Variants in BMPR2 observed in about 807,000 individuals in gnomAD.
BMPR2 encodes bone morphogenetic protein receptor type-2.
In BMPR2, 29 loss-of-function variants were observed where a neutral mutation model predicts 100.8. That is an observed-to-expected ratio of 0.29 (90% CI 0.21 to 0.39). The LOEUF is 0.39. Ranked by LOEUF, BMPR2 falls within the 10% of genes least tolerant of loss-of-function variation. The probability of loss-of-function intolerance (pLI) is 1.00; values close to 1 mark genes in which losing one functional copy is unlikely to be tolerated. For synonymous variants in BMPR2, 382 were observed against 442.3 expected, an observed-to-expected ratio of 0.86 and a Z score of 1.71; for missense variants, 1,011 against 1,274.5, an observed-to-expected ratio of 0.79 and a Z score of 3.15.
chr2:202,556,210 A>T lies in BMPR2; in HGVS notation c.2545A>T (p.Asn849Tyr). 6.2e-7 allele frequency: 1 copy of T among 1,611,678 alleles called. No homozygotes were observed. The highest frequency in any genetic ancestry group is 8.5e-7 in the Non-Finnish European group (1 of 1,177,958). ...VTHRAQEMLQ[N>Y]QFIGEDTRLN... is the part of the protein sequence containing the mutation. ...ACATAGGGCCCAAGAAATGTTGCAGAATCAGTTTATTGGTGAGGACACCCG... is the reference window on the plus strand; with the variant it reads ...ACATAGGGCCCAAGAAATGTTGCAGTATCAGTTTATTGGTGAGGACACCCG... Residue 849 changes from asparagine to tyrosine, a missense_variant, in exon 12 of 13, where the codon AAT (asparagine) becomes TAT (tyrosine). By Grantham distance (143) the Asn-to-Tyr change is moderately radical (BLOSUM62 -2). Coordinates refer to ENST00000374580, the MANE Select transcript of BMPR2 (RefSeq NM_001204.7).
At chr2:202,381,205 C>G (rs977339918) in intron 1 of BMPR2, among the ~76,000 whole-genome samples, 1 of 151,888 alleles carries the variant, frequency 6.6e-6, no homozygotes, top group Admixed American at 6.6e-5. Context: ...AAACTCCTGA[C>G]CTCGTGATCT....
rs1246177589 is a variant in BMPR2 at position 202,566,724 on chromosome 2, A to G, written c.*6778A>G. On this transcript the variant is annotated 3_prime_UTR_variant, in exon 13 of 13. Transcript: ENST00000374580. ...AACTAAATATTTTATAACTTTAGTA[A>G]TAGCTTGGATGGTTTTGAGAAAATA... The G allele has an allele frequency of 6.6e-6, 1 of 152,192 alleles. No homozygotes were observed. Among genetic ancestry groups the G allele is most frequent in the Admixed American group, 6.5e-5 (1 of 15,278 alleles). 9.4% of individuals were successfully genotyped at this position (152,192 alleles called of 1,614,324 possible). A position where few individuals can be genotyped will look rare whatever the true frequency, so the allele number is the denominator to read the frequency against.
In BMPR2 at chr2:202,377,059, C is replaced by T; in HGVS notation, c.-416C>T. The T allele has an allele frequency of 1.9e-6, 1 of 525,630 alleles. No homozygotes were observed. Among genetic ancestry groups the T allele is most frequent in the Non-Finnish European group, 3.3e-6 (1 of 300,434 alleles). 32.6% of individuals were successfully genotyped at this position (525,630 alleles called of 1,614,324 possible). A position where few individuals can be genotyped will look rare whatever the true frequency, so the allele number is the denominator to read the frequency against. On this transcript the variant is annotated 5_prime_UTR_variant, in exon 1 of 13. Transcript: ENST00000374580. ...CCTTCCCGGCAGTCGGGAACTAGTT[C>T]TGACCCTCGCCCCCCGACCCCGGAT...
At chr2:202,397,895 C>A (rs1177331250) in intron 1 of BMPR2, among the ~76,000 whole-genome samples, 5 of 151,558 alleles carry the variant, frequency 3.3e-5, no homozygotes, top group African/African-American at 7.3e-5. Flanking sequence ...CTGAGGTGGG[C>A]GGATCACCTG....
intron 3 of BMPR2, among the ~76,000 whole-genome samples, chr2:202,482,955 G>A (rs569784980): frequency 2.6e-4 from 40 of 152,290 alleles, no homozygotes; most frequent in African/African-American, 7.2e-4. Flanking sequence ...AAAGTGCGGC[G>A]TGAACCACTA....
intron 1 of BMPR2, among the ~76,000 whole-genome samples, chr2:202,421,619 G>A (rs1691263575): frequency 6.7e-6 from 1 of 149,296 alleles, no homozygotes; most frequent in South Asian, 2.1e-4. Flanking sequence ...TCCAGCCTGG[G>A]CGACAGAGTG....
chr2:202,552,855 T>A lies in BMPR2; in HGVS notation c.1553T>A (p.Val518Asp). 1 of 1,614,160 alleles carries A rather than the reference T, an allele frequency of 6.2e-7. No homozygotes were observed. The highest frequency in any genetic ancestry group is 8.5e-7 in the Non-Finnish European group (1 of 1,180,032). The change falls in exon 11 of 13, where the codon GTC becomes GAC. Residue 518 changes from valine (V) to aspartate (D), a missense_variant. By Grantham distance (152) the Val-to-Asp change is radical. Coordinates refer to ENST00000374580, the MANE Select transcript of BMPR2 (RefSeq NM_001204.7). ...WERNKSVSPTVNPMSTAMQNE... is the reference protein window; with the variant it reads ...WERNKSVSPTDNPMSTAMQNE... ...AGAAACAAATCTGTGAGCCCAACAG[T>A]CAATCCAATGTCTACTGCTATGCAG...
chr2:202,534,882 G>A (rs1453552115), intron 9 of BMPR2, among the ~76,000 whole-genome samples: 1 of 139,514 alleles, frequency 7.2e-6, no homozygotes, highest in Non-Finnish European at 1.6e-5. Flanking sequence ...CCCGGACGGG[G>A]CGGCTGGCCG....
At chr2:202,381,675 G>A (rs1380245395) in intron 1 of BMPR2, among the ~76,000 whole-genome samples, 1 of 152,164 alleles carries the variant, frequency 6.6e-6, no homozygotes, top group African/African-American at 2.4e-5. Context: ...CAGTAAGATG[G>A]TCCAGAAGGG....
intron 7 of BMPR2, among the ~76,000 whole-genome samples, chr2:202,523,720 C>T (rs1174156774): frequency 6.6e-6 from 1 of 152,074 alleles, no homozygotes; most frequent in Non-Finnish European, 1.5e-5. Flanking sequence ...AGGAGAATCT[C>T]TTGAACGTGG....
chr2:202,553,301 G>A (rs912446196), intron 11 of BMPR2, among the ~76,000 whole-genome samples: 1 of 151,262 alleles, frequency 6.6e-6, no homozygotes, highest in African/African-American at 2.4e-5. Flanking sequence ...TCTAACCACT[G>A]TTTCACTGAC....
chr2:202,521,610 T>C (rs1687820440), intron 7 of BMPR2, among the ~76,000 whole-genome samples: 1 of 151,924 alleles, frequency 6.6e-6, no homozygotes, highest in African/African-American at 2.4e-5. Context: ...ATTGAAGAGT[T>C]TCCCTACCTT....
rs886055486 is a variant in BMPR2, at chr2:202,564,984, T to A, written c.*5038T>A. ...TCGTTTGCACCCGGGAGGCGGAGGT[T>A]GTTGCAGTGAGCCGAGATCGCGCCA... On this transcript the variant is annotated 3_prime_UTR_variant, in exon 13 of 13. Coordinates refer to ENST00000374580, the MANE Select transcript of BMPR2 (RefSeq NM_001204.7). 6.6e-6 allele frequency: 1 copy of A among 151,976 alleles called. No homozygotes were observed. The highest frequency in any genetic ancestry group is 1.5e-5 in the Non-Finnish European group (1 of 68,052). 9.4% of individuals were successfully genotyped at this position (151,976 alleles called of 1,614,324 possible).
intron 7 of BMPR2, among the ~76,000 whole-genome samples, chr2:202,528,039 T>C (rs1178350435): frequency 1.3e-5 from 2 of 151,910 alleles, no homozygotes; most frequent in East Asian, 3.9e-4. Flanking sequence ...ATAAAAAAAT[T>C]AGCTGGCTGT....
At chr2:202,400,123 A>G (rs1286601215) in intron 1 of BMPR2, among the ~76,000 whole-genome samples, 1 of 151,948 alleles carries the variant, frequency 6.6e-6, no homozygotes, top group Non-Finnish European at 1.5e-5. Flanking sequence ...TAAAAAAAAA[A>G]GAATACATAG....
At chr2:202,430,147 G>T (rs1691475380) in intron 1 of BMPR2, among the ~76,000 whole-genome samples, 1 of 152,024 alleles carries the variant, frequency 6.6e-6, no homozygotes, top group Non-Finnish European at 1.5e-5. Context: ...CTCTTATAAG[G>T]CCATCAATGC....
chr2:202,536,627 C>T (rs764931196), intron 9 of BMPR2, among the ~76,000 whole-genome samples: 104 of 151,994 alleles, frequency 6.8e-4, no homozygotes, highest in Admixed American at 9.8e-4. Flanking sequence ...AATCCCAGCA[C>T]CTTAGGAGGC....
chr2:202,559,040 C>A (rs1439516967), intron 12 of BMPR2, among the ~76,000 whole-genome samples: 1 of 151,958 alleles, frequency 6.6e-6, no homozygotes, highest in East Asian at 1.9e-4. Flanking sequence ...TGGCTCACAC[C>A]TGTAATCCCA....
intron 1 of BMPR2, among the ~76,000 whole-genome samples, chr2:202,381,135 C>T (rs965564052): frequency 9.9e-5 from 15 of 151,728 alleles, no homozygotes; most frequent in African/African-American, 1.5e-4. Flanking sequence ...CCACCACACC[C>T]GGCTAATTTT....
Sources: gnomAD v4.1 joint callset for allele counts (sites outside exome capture counted in the v4.1 genomes callset) on GRCh38, gnomAD v4.1.1 for gene constraint, MANE v1.5 for transcripts, NCBI Gene and HGNC (gene_info 2026-07-23, HGNC 2026-07-21) for gene names.